Variants in ZNF511 observed in about 807,000 individuals in gnomAD.
ZNF511 encodes zinc finger protein 511.
ZNF511 carries 26 observed loss-of-function variants against 24.8 expected under a neutral mutation model. That is an observed-to-expected ratio of 1.05 (90% CI 0.77 to 1.46). The LOEUF is 1.46. Ranked by LOEUF, ZNF511 falls within the 40% of genes most tolerant of loss-of-function variation. The pLI is 0.00. For synonymous variants in ZNF511, 144 were observed against 139.6 expected (o/e 1.03, Z -0.22); for missense variants, 358 against 345.0 (o/e 1.04, Z -0.30).
At position 133,312,540 on chromosome 10, in the gene ZNF511, T is replaced by A. The variant is rs565604222; in HGVS notation, c.681-248T>A. On this transcript the variant is annotated intron_variant, in intron 5 of 5. Transcript: ENST00000361518. ...GCAGGAAGTCTCAGCCCCAGAGGGC[T>A]TGGCAGGAGCCGCCCTCTCTGCGGA... The A allele has an allele frequency of 2.9e-6, 4 of 1,381,468 alleles. No homozygotes were observed. In the South Asian group the frequency reaches 4.9e-5, roughly 17 times the overall value. The allele number at this position is 1,381,468 out of a possible 1,614,324, so 85.6% of individuals were successfully genotyped here.
chr10:133,310,046 C>G (rs956543324), intron 3 of ZNF511, 69 bp downstream of exon 3: 1 of 1,608,984 alleles, frequency 6.2e-7, no homozygotes, highest in African/African-American at 1.3e-5. Flanking sequence ...CTGCCCCCAG[C>G]TCTCGGGTGC....
At chr10:133,310,631 A>G in intron 4 of ZNF511, 1 of 325,196 alleles carries the variant, frequency 3.1e-6, no homozygotes, top group Non-Finnish European at 5.9e-6. Context: ...ATCCGCACTC[A>G]CACCCCTCGG....
At chr10:133,312,452 G>A (rs1475080777) in intron 5 of ZNF511, 26 of 1,218,334 alleles carry the variant, frequency 2.1e-5, no homozygotes, top group Non-Finnish European at 2.6e-5. Flanking sequence ...CCTGGACTTT[G>A]GCCTGTGAAT....
intron 1 of ZNF511, 68 bp from the exon 2 acceptor site, chr10:133,309,322 G>A: frequency 1.3e-6 from 2 of 1,550,926 alleles, no homozygotes; most frequent in South Asian, 1.2e-5. Flanking sequence ...CACGGGTGTG[G>A]GCGAGGCCTG....
At chr10:133,311,979 G>A (rs1848000588) in intron 5 of ZNF511, 138 bp downstream of exon 5, 1 of 1,609,428 alleles carries the variant, frequency 6.2e-7, no homozygotes, top group Non-Finnish European at 8.5e-7. Flanking sequence ...GCTTCCGCCA[G>A]AGAAGAAAGT....
In ZNF511 at chr10:133,312,964, A is replaced by G. The variant is rs1938748032; in HGVS notation, c.*98A>G. On this transcript the variant is annotated 3_prime_UTR_variant, in exon 6 of 6. Coordinates refer to ENST00000361518, the MANE Select transcript of ZNF511 (RefSeq NM_145806.4). ...TTCTGGTGTGGCCGCCCTGGGGGCC[A>G]GGCCCTCGCCATCCTCCCCATCCTT... The G allele has an allele frequency of 2.5e-6, 4 of 1,587,298 alleles. No individual in the cohort carries two copies. Among genetic ancestry groups the G allele is most frequent in the Admixed American group, 1.7e-5 (1 of 57,958 alleles).
chr10:133,311,345 G>C (rs529586902), intron 4 of ZNF511, among the ~76,000 whole-genome samples: 2 of 152,188 alleles, frequency 1.3e-5, no homozygotes, highest in Non-Finnish European at 2.9e-5. Context: ...ACCGTGCAAT[G>C]CTGGATTAAG....
At chr10:133,309,503 G>T (rs569651642) in intron 2 of ZNF511, 40 bp downstream of exon 2, 5 of 1,588,530 alleles carry the variant, frequency 3.1e-6, no homozygotes, top group Non-Finnish European at 3.4e-6. Flanking sequence ...CTACTCCTGC[G>T]CCGCCTCCCT....
chr10:133,309,233 G>C lies in ZNF511; in HGVS notation c.153+137G>C, dbSNP rs1275398919. The C allele has an allele frequency of 1.5e-5, 15 of 972,428 alleles. No homozygotes were observed. In the African/African-American group the frequency reaches 3.2e-4, roughly 20 times the overall value. 60.2% of individuals were successfully genotyped at this position (972,428 alleles called of 1,614,324 possible). A position where few individuals can be genotyped will look rare whatever the true frequency, so the allele number is the denominator to read the frequency against. On this transcript the variant is annotated intron_variant, in intron 1 of 5. Coordinates refer to ENST00000361518, the MANE Select transcript of ZNF511 (RefSeq NM_145806.4). ...GAGCCTGGGACAGGCGGGACCTGAG[G>C]TGGTGGGGCGGGGCCGGAACGTGGA...
At chr10:133,309,695 T>A in intron 2 of ZNF511, 81 bp from the exon 3 acceptor site, 1 of 1,522,468 alleles carries the variant, frequency 6.6e-7, no homozygotes, top group Non-Finnish European at 9.1e-7. Context: ...TTATTGGACG[T>A]CTCAAAGGGA....
chr10:133,312,629 C>T (rs11101691), intron 5 of ZNF511, 159 bp from the exon 6 acceptor site: 2 of 1,517,740 alleles, frequency 1.3e-6, no homozygotes, highest in Non-Finnish European at 1.8e-6. Context: ...AGGTCTCAGG[C>T]TGTGGAAAGG....
In ZNF511 at chr10:133,309,399, G is replaced by A. The variant is rs763138340; in HGVS notation, c.163G>A (p.Val55Met). ...REHQFFEDGD[V>M]QRHLYLQDVI... Reference sequence around the variant, plus strand: ...CGCACTTTTCCTGCAGGATGGGGACGTGCAGCGCCACCTCTACCTCCAGGA... The same window carrying A: ...CGCACTTTTCCTGCAGGATGGGGACATGCAGCGCCACCTCTACCTCCAGGA... The change falls in exon 2 of 6, where the codon GTG becomes ATG. Residue 55 changes from valine (V) to methionine (M), a missense_variant. By Grantham distance (21) the Val-to-Met change is conservative. Coordinates refer to ENST00000361518, the MANE Select transcript of ZNF511 (RefSeq NM_145806.4). The A allele has an allele frequency of 3.1e-6, 5 of 1,611,630 alleles. No homozygotes were observed. The highest frequency in any genetic ancestry group is 2.7e-5 in the African/African-American group (2 of 74,904).
At chr10:133,309,674 G>A in intron 2 of ZNF511, 102 bp from the exon 3 acceptor site, 2 of 1,399,066 alleles carry the variant, frequency 1.4e-6, no homozygotes, top group Non-Finnish European at 2.0e-6. Flanking sequence ...TGCAAAAGAT[G>A]CATAGGGGCT....
intron 4 of ZNF511, chr10:133,310,668 T>TCGGC (rs1847971445): frequency 3.9e-6 from 1 of 256,800 alleles, no homozygotes. Flanking sequence ...CCTGCAGCCG[T>TCGGC]CGGCCGTGCT....
intron 3 of ZNF511, 88 bp from the exon 4 acceptor site, chr10:133,310,076 C>T: frequency 1.2e-6 from 2 of 1,609,842 alleles, no homozygotes; most frequent in Non-Finnish European, 1.7e-6. Flanking sequence ...GCCGGGGACA[C>T]CTTTCCGCCC....
chr10:133,311,975 G>A lies in ZNF511; in HGVS notation c.680+134G>A, dbSNP rs139846723. The A allele has an allele frequency of 3.0e-4, 485 of 1,609,724 alleles. 5 individuals are homozygous for A. In the East Asian group the frequency reaches 8.5e-3, roughly 28 times the overall value. ...ACGCTGGGTAAGAAAATCGGCTTCCGCCAGAGAAGAAAGTCCAGATATCTC... is the reference window on the plus strand; with the variant it reads ...ACGCTGGGTAAGAAAATCGGCTTCCACCAGAGAAGAAAGTCCAGATATCTC... On this transcript the variant is annotated intron_variant, in intron 5 of 5. Coordinates refer to ENST00000361518, the MANE Select transcript of ZNF511 (RefSeq NM_145806.4).
rs1422740628 is a variant in ZNF511, at chr10:133,309,978, GT to G, written c.429+2del. ...GATCCTGTCTGAGAGGCAGGACATG[GT>G]GGGTGACAACTGCACAGCCGCCGAG... On this transcript the variant is annotated splice_donor_variant, in intron 3 of 5. Transcript: ENST00000361518. LOFTEE classifies it high-confidence loss of function. 1.2e-6 allele frequency: 2 copies of G among 1,612,678 alleles called. No individual in the cohort carries two copies. Among genetic ancestry groups the G allele is most frequent in the Non-Finnish European group, 1.7e-6 (2 of 1,179,904 alleles).
rs868305864 is a variant in ZNF511, at chr10:133,309,442, C to T, written c.206C>T (p.Ala69Val). The T allele has an allele frequency of 1.2e-6, 2 of 1,612,480 alleles. No individual in the cohort carries two copies. The highest frequency in any genetic ancestry group is 1.7e-6 in the Non-Finnish European group (2 of 1,179,728). Reference sequence around the variant, plus strand: ...CTCCAGGACGTGATCATGCAGGTGGCCGACGTGCCTGAGAAGCCCAGGTAA... The same window carrying T: ...CTCCAGGACGTGATCATGCAGGTGGTCGACGTGCCTGAGAAGCCCAGGTAA... ...LYLQDVIMQV[A>V]DVPEKPRVPA... Residue 69 changes from alanine to valine, a missense_variant, in exon 2 of 6, where the codon GCC (alanine) becomes GTC (valine). By Grantham distance (64) the Ala-to-Val change is moderately conservative (BLOSUM62 0). Transcript: ENST00000361518.
intron 5 of ZNF511, chr10:133,312,441 G>T: frequency 8.3e-7 from 1 of 1,209,600 alleles, no homozygotes. Flanking sequence ...CCTTACAGAT[G>T]CCTGGACTTT....
Sources: gnomAD v4.1 joint callset for allele counts (sites outside exome capture counted in the v4.1 genomes callset) on GRCh38, gnomAD v4.1.1 for gene constraint, MANE v1.5 for transcripts, NCBI Gene and HGNC (gene_info 2026-07-23, HGNC 2026-07-21) for gene names.